The following HOMER1 variants were observed in gnomAD, a reference collection of about 807,000 sequenced individuals.
HOMER1 encodes the protein homer scaffold protein 1, also known as homer protein homolog 1.
HOMER1 carries 3 observed loss-of-function variants against 48.9 expected under a neutral mutation model. The ratio of observed to expected loss-of-function variants is 0.06; its 90% confidence interval spans 0.03 to 0.16. The LOEUF is 0.16. HOMER1 is among the 10% of genes least tolerant of loss of function. The pLI is 1.00. For synonymous variants in HOMER1, 134 were observed against 146.4 expected (o/e 0.92, Z 0.61); for missense variants, 247 against 411.4 (o/e 0.60, Z 3.46).
chr5:79,401,403 T>C (rs1210995349), intron 6 of HOMER1, among the ~76,000 whole-genome samples: 1 of 152,178 alleles, frequency 6.6e-6, no homozygotes, highest in Non-Finnish European at 1.5e-5. Flanking sequence ...TCAAAGATCA[T>C]ACAGATAATA....
At chr5:79,379,150 TTATA>T (rs1434232214) in intron 8 of HOMER1, among the ~76,000 whole-genome samples, 1 of 107,790 alleles carries the variant, frequency 9.3e-6, no homozygotes, top group Non-Finnish European at 1.8e-5. Context: ...TAAAAATTAT[TTATA>T]TAAATATATT....
At chr5:79,460,366 TGC>T (rs1436060308) in intron 1 of HOMER1, among the ~76,000 whole-genome samples, 1 of 152,128 alleles carries the variant, frequency 6.6e-6, no homozygotes, top group East Asian at 1.9e-4. Flanking sequence ...AGGCAGAGGT[TGC>T]AGTAAGCCAA....
At chr5:79,438,876 TAAAAAA>T in intron 5 of HOMER1, 128 bp downstream of exon 5, 8 of 489,110 alleles carry the variant, frequency 1.6e-5, no homozygotes, top group South Asian at 5.6e-5. Context: ...ACAGAAGCAG[TAAAAAA>T]AAAAAAAAAA....
At chr5:79,399,039 T>C (rs1749468282) in intron 6 of HOMER1, among the ~76,000 whole-genome samples, 1 of 152,226 alleles carries the variant, frequency 6.6e-6, no homozygotes, top group Non-Finnish European at 1.5e-5. Context: ...GTTTAATGTG[T>C]ATTTGTTTTG....
At chr5:79,452,799 A>C (rs893937846) in intron 2 of HOMER1, among the ~76,000 whole-genome samples, 1 of 152,114 alleles carries the variant, frequency 6.6e-6, no homozygotes, top group Non-Finnish European at 1.5e-5. Flanking sequence ...CTCAGACAAA[A>C]TTTACATATT....
intron 5 of HOMER1, among the ~76,000 whole-genome samples, chr5:79,410,086 A>C (rs1474723118): frequency 1.3e-5 from 2 of 152,230 alleles, no homozygotes; most frequent in Non-Finnish European, 1.5e-5. Context: ...GATACCAAAA[A>C]TAAATTTTTA....
intron 6 of HOMER1, among the ~76,000 whole-genome samples, chr5:79,398,430 G>A (rs973976096): frequency 3.3e-5 from 5 of 151,890 alleles, no homozygotes; most frequent in African/African-American, 4.8e-5. Context: ...TAAAGAAACA[G>A]AGTAAATCCC....
chr5:79,381,266 TAC>T (rs2112190132), intron 8 of HOMER1, among the ~76,000 whole-genome samples: 1 of 152,282 alleles, frequency 6.6e-6, no homozygotes, highest in East Asian at 1.9e-4. Flanking sequence ...AAAGAAATCA[TAC>T]AGAGACCATG....
chr5:79,400,939 T>TTTTC (rs1395838233), intron 6 of HOMER1, among the ~76,000 whole-genome samples: 1 of 146,474 alleles, frequency 6.8e-6, no homozygotes, highest in Non-Finnish European at 1.5e-5. Flanking sequence ...AAAAGATTTT[T>TTTTC]TTTTTTTTTT....
chr5:79,433,926 T>C (rs1409592397), intron 5 of HOMER1, among the ~76,000 whole-genome samples: 8 of 152,174 alleles, frequency 5.3e-5, no homozygotes, highest in Admixed American at 2.6e-4. Context: ...AAACACATAA[T>C]GTGGCAGAAA....
intron 1 of HOMER1, among the ~76,000 whole-genome samples, chr5:79,468,481 G>A (rs2112320861): frequency 6.6e-6 from 1 of 152,154 alleles, no homozygotes; most frequent in Middle Eastern, 3.4e-3. Flanking sequence ...TGGATAAACT[G>A]TGTCAAAATA....
chr5:79,386,265 T>C (rs1048441393), intron 8 of HOMER1, among the ~76,000 whole-genome samples: 2 of 152,210 alleles, frequency 1.3e-5, no homozygotes, highest in South Asian at 2.1e-4. Context: ...ATATATACAA[T>C]GGAATATTAT....
At chr5:79,409,166 C>G (rs1252931477) in intron 5 of HOMER1, among the ~76,000 whole-genome samples, 1 of 150,124 alleles carries the variant, frequency 6.7e-6, no homozygotes, top group Non-Finnish European at 1.5e-5. Context: ...GGCATGGTGG[C>G]TCATGCCTAT....
At chr5:79,474,445 C>G (rs1054229317) in intron 1 of HOMER1, among the ~76,000 whole-genome samples, 2 of 151,956 alleles carry the variant, frequency 1.3e-5, no homozygotes, top group African/African-American at 4.8e-5. Flanking sequence ...CTAAAAGATG[C>G]CTTCACTGAA....
intron 6 of HOMER1, among the ~76,000 whole-genome samples, chr5:79,401,641 G>C (rs2404149): frequency 0.12 from 18,869 of 152,162 alleles, 1,597 homozygotes; most frequent in South Asian, 0.19. Context: ...TTATGTACTT[G>C]TGCATTACTG....
intron 1 of HOMER1, among the ~76,000 whole-genome samples, chr5:79,491,075 CAAAAAAAAAAAAAAAAAAAAA>C (rs10527802): frequency 0.29 from 10,899 of 38,084 alleles, 1,218 homozygotes; most frequent in East Asian, 0.46. Context: ...AGTACCAAAG[CAAAAAAAAAAAAAAAAAAAAA>C]AAAAAAAAAA....
At chr5:79,410,821 G>A (rs1295250520) in intron 5 of HOMER1, among the ~76,000 whole-genome samples, 6 of 152,124 alleles carry the variant, frequency 3.9e-5, no homozygotes, top group Non-Finnish European at 7.3e-5. Flanking sequence ...TTTTCAGTTA[G>A]CATCTCACTT....
chr5:79,373,848 T>C lies in HOMER1; in HGVS notation c.*2161A>G, dbSNP rs1561337928. ...TCAGTAGGAAAGTATTAAAAATAAT[T>C]TTCTGTATATACATATGGGTATATG... On this transcript the variant is annotated 3_prime_UTR_variant, in exon 9 of 9. Transcript: ENST00000334082. The C allele has an allele frequency of 6.6e-6, 1 of 152,070 alleles. No individual in the cohort carries two copies. Among genetic ancestry groups the C allele is most frequent in the East Asian group, 1.9e-4 (1 of 5,194 alleles). The allele number at this position is 152,070 out of a possible 1,614,324, so 9.4% of individuals were successfully genotyped here.
At chr5:79,427,947 C>A (rs1039439343) in intron 5 of HOMER1, among the ~76,000 whole-genome samples, 24 of 152,130 alleles carry the variant, frequency 1.6e-4, no homozygotes, top group South Asian at 8.3e-4. Flanking sequence ...CCCCCATTCC[C>A]TCTCTATAAG....
Sources: gnomAD v4.1 joint callset for allele counts (sites outside exome capture counted in the v4.1 genomes callset) on GRCh38, gnomAD v4.1.1 for gene constraint, MANE v1.5 for transcripts, NCBI Gene and HGNC (gene_info 2026-07-23, HGNC 2026-07-21) for gene names.